The following PDPK1 variants were observed in gnomAD, a reference collection of about 807,000 sequenced individuals.
The protein encoded by PDPK1 is 3-phosphoinositide-dependent protein kinase 1.
Under a neutral mutation model 39.8 loss-of-function variants are expected in PDPK1, and 7 were observed. That is an observed-to-expected ratio of 0.18 (90% confidence interval 0.10 to 0.33). PDPK1 has a LOEUF of 0.33. PDPK1 is among the 10% of genes least tolerant of loss of function. The pLI is 1.00. For synonymous variants in PDPK1, 118 were observed against 159.1 expected, an observed-to-expected ratio of 0.74 and a Z score of 1.95; for missense variants, 182 against 384.7, an observed-to-expected ratio of 0.47 and a Z score of 4.41.
At chr16:2,569,479 G>GC (rs1284273103) in intron 6 of PDPK1, 2 of 147,446 alleles carry the variant, frequency 1.4e-5, no homozygotes, top group African/African-American at 4.9e-5. Context: ...TCCAGCCTGG[G>GC]CGACAGAGCA....
At position 2,577,504 on chromosome 16, in the gene PDPK1, AC is replaced by A; in HGVS notation, c.785+6del. 6.4e-7 allele frequency: 1 copy of A among 1,553,480 alleles called. No homozygotes were observed. On this transcript the variant is annotated splice_donor_5th_base_variant and intron_variant, in intron 7 of 13. Coordinates refer to ENST00000342085, the MANE Select transcript of PDPK1 (RefSeq NM_002613.5). ...CGGAGAAGTCCGCCTGTAAGAGGTA[AC>A]CACTTTCATCTAAGCCGTGCTTCCC...
chr16:2,546,765 T>C lies in PDPK1; in HGVS notation c.24+8629T>C, dbSNP rs192782637. Among the ~76,000 whole-genome samples the C allele has an allele frequency of 2.8e-3, 427 of 152,196 alleles. 1 individual carries two copies. Among genetic ancestry groups the C allele is most frequent in the Non-Finnish European group, 3.2e-3 (221 of 68,008 alleles). ...CTTGACTTTGCTGTAGCTTCTAAGGTGTCCTGTGGCGGCAAAAGGGACGTG... is the reference window on the plus strand; with the variant it reads ...CTTGACTTTGCTGTAGCTTCTAAGGCGTCCTGTGGCGGCAAAAGGGACGTG... On this transcript the variant is annotated intron_variant, in intron 1 of 13. Transcript: ENST00000342085.
chr16:2,546,318 G>A (rs1216284658), intron 1 of PDPK1, among the ~76,000 whole-genome samples: 2 of 147,230 alleles, frequency 1.4e-5, no homozygotes, highest in Non-Finnish European at 3.0e-5. Flanking sequence ...TCCTGACCTC[G>A]TGATCTACCC....
chr16:2,586,039 G>T (rs2066867444), intron 10 of PDPK1, among the ~76,000 whole-genome samples: 1 of 152,216 alleles, frequency 6.6e-6, no homozygotes, highest in Non-Finnish European at 1.5e-5. Flanking sequence ...TAGTGCACAG[G>T]CTGTGTCCGC....
In PDPK1 at chr16:2,539,776, A is replaced by G. The variant is rs370559717; in HGVS notation, c.24+1640A>G. 7.8e-3 allele frequency among the ~76,000 whole-genome samples: 1,185 copies of G among 151,106 alleles called. 11 individuals carry two copies. The highest frequency in any genetic ancestry group is 0.026 in the African/African-American group (1,040 of 40,450). On this transcript the variant is annotated intron_variant, in intron 1 of 13. Transcript: ENST00000342085. ...TGCACCCAGTGACAGTCATGGCGAA[A>G]TTTGTGAGGTTAACTCGCACCCAGT...
chr16:2,542,004 C>T (rs1309651480), intron 1 of PDPK1, among the ~76,000 whole-genome samples: 1 of 151,784 alleles, frequency 6.6e-6, no homozygotes, highest in African/African-American at 2.4e-5. Context: ...ATGTTGGTTG[C>T]ACAAAGTCCG....
chr16:2,541,743 G>A (rs2066249131), intron 1 of PDPK1, among the ~76,000 whole-genome samples: 1 of 152,320 alleles, frequency 6.6e-6, no homozygotes, highest in Admixed American at 6.5e-5. Context: ...AGTTGCTCAG[G>A]TCTTTTCAGC....
chr16:2,588,575 C>T (rs1056298535), intron 11 of PDPK1, among the ~76,000 whole-genome samples: 4 of 152,152 alleles, frequency 2.6e-5, no homozygotes, highest in African/African-American at 9.7e-5. Flanking sequence ...CGTCTGGGTA[C>T]CTTAGCCTGG....
intron 1 of PDPK1, among the ~76,000 whole-genome samples, chr16:2,552,284 C>G (rs1171617598): frequency 6.7e-6 from 1 of 150,144 alleles, no homozygotes; most frequent in Non-Finnish European, 1.5e-5. Context: ...GTTTCTACTT[C>G]TAAGAGATGG....
intron 7 of PDPK1, 22 bp downstream of exon 7, chr16:2,577,522 G>T (rs199516574): frequency 1.7e-5 from 27 of 1,562,558 alleles, no homozygotes; most frequent in South Asian, 2.2e-5. Context: ...CATCTAAGCC[G>T]TGCTTCCCTT....
intron 10 of PDPK1, 59 bp from the exon 11 acceptor site, chr16:2,586,617 G>T: frequency 1.3e-6 from 2 of 1,494,480 alleles, no homozygotes; most frequent in Admixed American, 1.7e-5. Flanking sequence ...AGGGGCTGGG[G>T]TTTTAGGACC....
chr16:2,556,261 T>G (rs2066492562), intron 1 of PDPK1, among the ~76,000 whole-genome samples: 1 of 148,530 alleles, frequency 6.7e-6, no homozygotes. Flanking sequence ...AATTTTTATA[T>G]TTTTAGTAGA....
At chr16:2,558,941 A>ATATAGC (rs1450572497) in intron 2 of PDPK1, among the ~76,000 whole-genome samples, 2 of 129,332 alleles carry the variant, frequency 1.5e-5, no homozygotes, top group East Asian at 2.1e-4. Flanking sequence ...AAAACATGAA[A>ATATAGC]TATAGCTTAC....
intron 11 of PDPK1, among the ~76,000 whole-genome samples, chr16:2,594,917 CG>C (rs2067069415): frequency 6.6e-6 from 1 of 152,030 alleles, no homozygotes; most frequent in East Asian, 1.9e-4. Flanking sequence ...GTCAGGAGAT[CG>C]AGACCATCCT....
intron 1 of PDPK1, among the ~76,000 whole-genome samples, chr16:2,540,486 C>T (rs2066224646): frequency 1.3e-5 from 2 of 152,146 alleles, no homozygotes; most frequent in African/African-American, 4.8e-5. Flanking sequence ...TCACCCTGCC[C>T]CTCACGTTCG....
In PDPK1 at chr16:2,597,076, C is replaced by T. The variant is rs73492136; in HGVS notation, c.1402-47C>T. 10 of 1,487,876 alleles carry T rather than the reference C, an allele frequency of 6.7e-6. No homozygotes were observed. The highest frequency in any genetic ancestry group is 2.1e-4 in the Middle Eastern group (1 of 4,866). The allele number at this position is 1,487,876 out of a possible 1,614,324, so 92.2% of individuals were successfully genotyped here. A position where few individuals can be genotyped will look rare whatever the true frequency, so the allele number is the denominator to read the frequency against. On this transcript the variant is annotated intron_variant, in intron 12 of 13. Transcript: ENST00000342085. This position sits in a 1 kb window ranked among gnomAD's most constrained non-coding sequence, Gnocchi z 6.3. ...CAGCCCTCTAGGCTCCAGGAGATGC[C>T]GTCAGCACTGGCCTCTGAGGCCTGT...
At chr16:2,540,502 C>T (rs1343154989) in intron 1 of PDPK1, among the ~76,000 whole-genome samples, 1 of 152,124 alleles carries the variant, frequency 6.6e-6, no homozygotes, top group Non-Finnish European at 1.5e-5. Flanking sequence ...GTTCGGAGCC[C>T]CTGAGGGAGG....
intron 11 of PDPK1, chr16:2,594,576 G>A (rs1156988564): frequency 2.0e-5 from 3 of 152,372 alleles, no homozygotes; most frequent in Admixed American, 1.3e-4. Flanking sequence ...CAAACAAACT[G>A]CATATTATTT....
In PDPK1 at chr16:2,596,486, G is replaced by A. The variant is rs1329915939; in HGVS notation, c.1401+636G>A. ...TGGGATTACAGGCGTGAGCCACGGCGCCCGGCCGGGTTGTTCTTTATTTTA... is the reference window on the plus strand; with the variant it reads ...TGGGATTACAGGCGTGAGCCACGGCACCCGGCCGGGTTGTTCTTTATTTTA... On this transcript the variant is annotated intron_variant, in intron 12 of 13. Transcript: ENST00000342085. 4.6e-5 allele frequency among the ~76,000 whole-genome samples: 7 copies of A among 152,326 alleles called. No homozygotes were observed. The East Asian group carries it at 1.2e-3, about 25-fold the overall frequency.
Sources: allele counts gnomAD v4.1 joint callset (sites outside exome capture counted in the v4.1 genomes callset), GRCh38; gene constraint gnomAD v4.1.1; non-coding constraint Gnocchi (gnomAD v3.1); transcripts MANE v1.5; gene names NCBI Gene and HGNC (gene_info 2026-07-23, HGNC 2026-07-21).